The following SLC35F4 variants were observed in gnomAD, a reference collection of about 807,000 sequenced individuals.
SLC35F4 encodes the protein solute carrier family 35 member F4, also known as chromosome 14 open reading frame 36.
Under a neutral mutation model 44.2 loss-of-function variants are expected in SLC35F4, and 24 were observed. That is an observed-to-expected ratio of 0.54 (90% CI 0.39 to 0.76). SLC35F4 has a LOEUF of 0.76. SLC35F4 is among the 30% of genes least tolerant of loss of function. The pLI is 0.00. For missense variants in SLC35F4, 562 were observed against 586.1 expected (o/e 0.96, Z 0.42); for synonymous variants, 238 against 223.6 (o/e 1.06, Z -0.57).
intron 1 of SLC35F4, among the ~76,000 whole-genome samples, chr14:57,827,622 T>C (rs1391200845): frequency 6.6e-6 from 1 of 152,114 alleles, no homozygotes; most frequent in Non-Finnish European, 1.5e-5. Flanking sequence ...CAAGAGGACA[T>C]AGAATTTTGC....
At chr14:57,810,403 C>T (rs1881828429) in intron 1 of SLC35F4, among the ~76,000 whole-genome samples, 1 of 152,184 alleles carries the variant, frequency 6.6e-6, no homozygotes, top group Admixed American at 6.5e-5. Flanking sequence ...TTGCGTGTAT[C>T]CCTGTGGATT....
chr14:57,612,885 A>T (rs1165590894), intron 1 of SLC35F4, among the ~76,000 whole-genome samples: 1 of 152,240 alleles, frequency 6.6e-6, no homozygotes, highest in Non-Finnish European at 1.5e-5. Flanking sequence ...CACACTAAAT[A>T]TTCAACAAAT....
At chr14:57,958,949 G>A (rs1890294298) in intron 1 of SLC35F4, among the ~76,000 whole-genome samples, 1 of 152,214 alleles carries the variant, frequency 6.6e-6, no homozygotes, top group South Asian at 2.1e-4. Context: ...GAGTGGCATG[G>A]TGCCAGTTTT....
chr14:57,597,276 C>G (rs1307332374), intron 1 of SLC35F4, among the ~76,000 whole-genome samples: 1 of 152,130 alleles, frequency 6.6e-6, no homozygotes, highest in African/African-American at 2.4e-5. Flanking sequence ...TTTGTCACAC[C>G]AGATGGTCCC....
At chr14:57,637,564 T>C (rs1450537944) in intron 1 of SLC35F4, among the ~76,000 whole-genome samples, 1 of 152,126 alleles carries the variant, frequency 6.6e-6, no homozygotes, top group African/African-American at 2.4e-5. Flanking sequence ...TCTCCGAGGA[T>C]GGTTTAGCTA....
chr14:57,694,679 C>A (rs1373796067), intron 1 of SLC35F4, among the ~76,000 whole-genome samples: 2 of 152,120 alleles, frequency 1.3e-5, no homozygotes, highest in African/African-American at 2.4e-5. Context: ...CATAGCATAT[C>A]TCTCCATTTA....
chr14:57,819,571 C>T (rs983591266), intron 1 of SLC35F4, among the ~76,000 whole-genome samples: 1 of 151,622 alleles, frequency 6.6e-6, no homozygotes, highest in Non-Finnish European at 1.5e-5. Context: ...TTTGGGGGAC[C>T]TAGGCAGGCA....
At chr14:57,641,041 G>A (rs995983829) in intron 1 of SLC35F4, among the ~76,000 whole-genome samples, 1 of 152,016 alleles carries the variant, frequency 6.6e-6, no homozygotes, top group East Asian at 1.9e-4. Flanking sequence ...TTGCCAGAAA[G>A]CATTACCACA....
intron 1 of SLC35F4, among the ~76,000 whole-genome samples, chr14:57,699,662 A>T (rs1236856192): frequency 1.3e-5 from 2 of 152,160 alleles, no homozygotes; most frequent in African/African-American, 4.8e-5. Flanking sequence ...ACTACAGCAA[A>T]ACAAAAAGGC....
chr14:57,887,642 G>A (rs1403283287), intron 1 of SLC35F4, among the ~76,000 whole-genome samples: 1 of 152,048 alleles, frequency 6.6e-6, no homozygotes, highest in African/African-American at 2.4e-5. Flanking sequence ...CTGGAATTTT[G>A]GGTCCCTTTT....
chr14:57,564,559 C>T (rs2068111427), intron 7 of SLC35F4, among the ~76,000 whole-genome samples, 183 bp from the exon 8 acceptor site: 1 of 152,190 alleles, frequency 6.6e-6, no homozygotes, highest in African/African-American at 2.4e-5. Context: ...TCATGCTTAT[C>T]CTTCAAGGCT....
chr14:57,913,379 G>T (rs1313917106), intron 1 of SLC35F4, among the ~76,000 whole-genome samples: 1 of 151,640 alleles, frequency 6.6e-6, no homozygotes, highest in Admixed American at 6.6e-5. Context: ...GCCTTTTGTG[G>T]TTTCAATTAA....
rs147269963 is a variant in SLC35F4 at position 57,930,118 on chromosome 14, G to T, written n.282+51795C>A. On this transcript the variant is annotated intron_variant and non_coding_transcript_variant, in intron 1 of 1. Coordinates refer to the SLC35F4 transcript ENST00000556568. Reference sequence around the variant, plus strand: ...CATTCGCTTCTCAACTCTAATTATAGATCTGAAATTCAGGCAAAATGAAAA... The same window carrying T: ...CATTCGCTTCTCAACTCTAATTATATATCTGAAATTCAGGCAAAATGAAAA... Among the ~76,000 whole-genome samples the T allele has an allele frequency of 1.2e-3, 190 of 152,272 alleles. 1 individual carries two copies. The highest frequency in any genetic ancestry group is 4.5e-3 in the African/African-American group (185 of 41,564).
rs567011107 is a variant in SLC35F4 at position 57,678,708 on chromosome 14, A to G, written c.104-84584T>C. On this transcript the variant is annotated intron_variant, in intron 1 of 7. Transcript: ENST00000556826. ...AGCAAATGGAAAGAAAAAAAAAAAGAAAGCAGGGTTTGCAATCCTAGTCTC... is the reference window on the plus strand; with the variant it reads ...AGCAAATGGAAAGAAAAAAAAAAAGGAAGCAGGGTTTGCAATCCTAGTCTC... 2.0e-5 allele frequency among the ~76,000 whole-genome samples: 3 copies of G among 151,012 alleles called. No individual in the cohort carries two copies. In the East Asian group the frequency reaches 5.9e-4, roughly 30 times the overall value.
intron 1 of SLC35F4, among the ~76,000 whole-genome samples, chr14:57,726,015 T>C (rs1394648757): frequency 6.6e-6 from 1 of 152,150 alleles, no homozygotes; most frequent in African/African-American, 2.4e-5. Flanking sequence ...GAAGTTAGGA[T>C]TGCCAACTGG....
intron 1 of SLC35F4, among the ~76,000 whole-genome samples, chr14:57,637,789 T>A (rs577769615): frequency 6.6e-6 from 1 of 151,992 alleles, no homozygotes; most frequent in African/African-American, 2.4e-5. Flanking sequence ...GAAAATAAAA[T>A]CCTAATCCCC....
intron 1 of SLC35F4, among the ~76,000 whole-genome samples, chr14:57,958,725 C>G (rs2141086329): frequency 6.6e-6 from 1 of 152,262 alleles, no homozygotes; most frequent in South Asian, 2.1e-4. Context: ...ATTTTAAAAA[C>G]TGGCAATACC....
chr14:57,780,630 G>C (rs1439527657), intron 1 of SLC35F4, among the ~76,000 whole-genome samples: 1 of 151,934 alleles, frequency 6.6e-6, no homozygotes, highest in Non-Finnish European at 1.5e-5. Flanking sequence ...AAATAGCCAA[G>C]GCAAAAGAAC....
chr14:57,866,441 C>G (rs1888160477), upstream of SLC35F4, among the ~76,000 whole-genome samples: 1 of 152,158 alleles, frequency 6.6e-6, no homozygotes, highest in South Asian at 2.1e-4. Flanking sequence ...GCAAGCATTC[C>G]CCCGCGTTAG....
Sources: allele counts gnomAD v4.1 joint callset (sites outside exome capture counted in the v4.1 genomes callset), GRCh38; gene constraint gnomAD v4.1.1; transcripts MANE v1.5; gene names NCBI Gene and HGNC (gene_info 2026-07-23, HGNC 2026-07-21).